The following DAW1 variants were observed in gnomAD, a reference collection of about 807,000 sequenced individuals.
DAW1 encodes the protein dynein assembly factor with WD repeats 1, also known as dynein assembly factor with WD repeat domains 1.
Under a neutral mutation model 56.5 loss-of-function variants are expected in DAW1, and 47 were observed. The ratio of observed to expected loss-of-function variants is 0.83; its 90% CI spans 0.66 to 1.06. The LOEUF is 1.06. Ranked by LOEUF, DAW1 falls within the 50% of genes least tolerant of loss-of-function variation. The pLI is 0.00. For synonymous variants in DAW1, 190 were observed against 179.0 expected (o/e 1.06, Z -0.49); for missense variants, 505 against 499.3 (o/e 1.01, Z -0.11).
chr2:227,919,426 G>C (rs1692054605), intron 11 of DAW1, among the ~76,000 whole-genome samples: 1 of 152,076 alleles, frequency 6.6e-6, no homozygotes, highest in African/African-American at 2.4e-5. Flanking sequence ...AAAAGATTTA[G>C]TTAGCTGAAG....
chr2:227,918,122 CTCCA>C (rs368790108), intron 10 of DAW1, among the ~76,000 whole-genome samples: 8 of 97,318 alleles, frequency 8.2e-5, no homozygotes, highest in African/African-American at 2.8e-4. Context: ...CCATCCATTT[CTCCA>C]TCCATCCATC....
intron 5 of DAW1, among the ~76,000 whole-genome samples, chr2:227,895,143 G>A (rs1176859113): frequency 6.6e-6 from 1 of 152,122 alleles, no homozygotes; most frequent in Non-Finnish European, 1.5e-5. Context: ...GTATGTTTAA[G>A]TTCTTTAAGT....
At chr2:227,916,001 T>C (rs1250120789) in intron 10 of DAW1, among the ~76,000 whole-genome samples, 2 of 152,172 alleles carry the variant, frequency 1.3e-5, no homozygotes, top group East Asian at 3.8e-4. Context: ...CATATTTTCA[T>C]GATAGCTATT....
chr2:227,924,112 G>A lies in DAW1; in HGVS notation c.*144G>A, dbSNP rs1169579247. 5.3e-6 allele frequency: 5 copies of A among 940,142 alleles called. No homozygotes were observed. In the African/African-American group the frequency reaches 8.3e-5, roughly 16 times the overall value. The allele number at this position is 940,142 out of a possible 1,614,324, so 58.2% of individuals were successfully genotyped here. ...TTCTACAACTGTCCTTCATTTCACA[G>A]ATATGACCATTAAACATGACAAAGT... On this transcript the variant is annotated 3_prime_UTR_variant, in exon 13 of 13. Coordinates refer to ENST00000309931, the MANE Select transcript of DAW1 (RefSeq NM_178821.3).
intron 4 of DAW1, among the ~76,000 whole-genome samples, chr2:227,892,864 T>C (rs1691305600): frequency 6.6e-6 from 1 of 152,236 alleles, no homozygotes; most frequent in South Asian, 2.1e-4. Context: ...GAAAGTCTCT[T>C]TCTTAATTGA....
intron 6 of DAW1, among the ~76,000 whole-genome samples, 189 bp downstream of exon 6, chr2:227,898,470 G>A (rs34261340): frequency 0.4 from 60,905 of 151,528 alleles, 13,680 homozygotes; most frequent in Admixed American, 0.56. Flanking sequence ...ACGGGCGCCC[G>A]CCACCACGCC....
intron 1 of DAW1, among the ~76,000 whole-genome samples, chr2:227,873,337 G>A (rs1176019637): frequency 6.6e-6 from 1 of 152,154 alleles, no homozygotes. Flanking sequence ...CCCATTTAAT[G>A]TAAACTTCGT....
chr2:227,891,994 T>G (rs1691276421), intron 4 of DAW1, among the ~76,000 whole-genome samples: 1 of 152,112 alleles, frequency 6.6e-6, no homozygotes, highest in East Asian at 1.9e-4. Flanking sequence ...CAATCTTTGG[T>G]GTGGAGAAGC....
intron 1 of DAW1, among the ~76,000 whole-genome samples, chr2:227,880,790 C>T (rs1164730010): frequency 1.3e-5 from 2 of 152,276 alleles, no homozygotes; most frequent in African/African-American, 2.4e-5. Context: ...GAGCAGGAAA[C>T]TCCAGAGGAG....
At chr2:227,881,513 C>A (rs2106187939) in intron 1 of DAW1, among the ~76,000 whole-genome samples, 1 of 152,244 alleles carries the variant, frequency 6.6e-6, no homozygotes, top group East Asian at 1.9e-4. Context: ...TTAAGTAATA[C>A]AAGGTGACCA....
intron 1 of DAW1, among the ~76,000 whole-genome samples, chr2:227,881,862 C>T (rs1691019868): frequency 6.7e-6 from 1 of 148,930 alleles, no homozygotes; most frequent in Non-Finnish European, 1.5e-5. Context: ...AAGCGATTCT[C>T]CTTCCTCAGC....
intron 6 of DAW1, among the ~76,000 whole-genome samples, chr2:227,900,281 C>T (rs1360918759): frequency 2.0e-5 from 3 of 152,110 alleles, no homozygotes; most frequent in Non-Finnish European, 4.4e-5. Context: ...CATTTTTGCA[C>T]ACTCCTTTAG....
Position 227,898,915 on chromosome 2 carries a change from G to A in DAW1, c.540+634G>A, listed in dbSNP as rs149812669. 2.3e-3 allele frequency among the ~76,000 whole-genome samples: 351 copies of A among 152,214 alleles called. 2 individuals carry two copies. The highest frequency in any genetic ancestry group is 8.2e-3 in the African/African-American group (340 of 41,534). On this transcript the variant is annotated intron_variant, in intron 6 of 12. Transcript: ENST00000309931. ...TACTGACTCAATGAGGGTCAATTAA[G>A]TTATGAAAACAGTTTTTAAAATAAT...
chr2:227,875,655 A>G (rs375955063), intron 1 of DAW1, among the ~76,000 whole-genome samples: 2 of 152,112 alleles, frequency 1.3e-5, no homozygotes, highest in African/African-American at 2.4e-5. Flanking sequence ...AGACTTAGAT[A>G]TCTCCTTTCT....
intron 12 of DAW1, among the ~76,000 whole-genome samples, chr2:227,922,733 A>G (rs1456677294): frequency 2.0e-5 from 3 of 152,220 alleles, no homozygotes; most frequent in Non-Finnish European, 4.4e-5. Flanking sequence ...AGTTTCCGAA[A>G]TCACAGGGCT....
At chr2:227,895,592 A>AG (rs942108052) in intron 5 of DAW1, 2 of 152,296 alleles carry the variant, frequency 1.3e-5, no homozygotes, top group Non-Finnish European at 2.9e-5. Flanking sequence ...AGACCTCAGC[A>AG]GCTCAGTGTC....
intron 2 of DAW1, chr2:227,889,581 C>T (rs1288424049): frequency 7.7e-6 from 2 of 258,938 alleles, no homozygotes; most frequent in Admixed American, 1.1e-4. Context: ...TAGGTGAGAA[C>T]ATTAGACTCT....
At chr2:227,877,324 A>T (rs971681891) in intron 1 of DAW1, among the ~76,000 whole-genome samples, 1 of 152,172 alleles carries the variant, frequency 6.6e-6, no homozygotes, top group Admixed American at 6.5e-5. Context: ...AACTAATTTT[A>T]GTATTTTTAG....
chr2:227,922,308 C>T (rs1050004977), intron 12 of DAW1, among the ~76,000 whole-genome samples: 3 of 152,174 alleles, frequency 2.0e-5, no homozygotes, highest in Non-Finnish European at 4.4e-5. Context: ...GGGGAAAGAA[C>T]ATGTATTAAC....
Sources: gnomAD v4.1 joint callset for allele counts (sites outside exome capture counted in the v4.1 genomes callset) on GRCh38, gnomAD v4.1.1 for gene constraint, MANE v1.5 for transcripts, NCBI Gene and HGNC (gene_info 2026-07-23, HGNC 2026-07-21) for gene names.